SUCLG2: variants seen among roughly 807,000 people sequenced by gnomAD.
The protein encoded by SUCLG2 is succinate-CoA ligase GDP-forming subunit beta.
In SUCLG2, 42 loss-of-function variants were observed where a neutral mutation model predicts 47.9. The observed-to-expected ratio is 0.88, with a 90% CI of 0.69 to 1.14. SUCLG2 has a LOEUF of 1.14. Ranked by LOEUF, SUCLG2 falls within the 50% of genes most tolerant of loss-of-function variation. The pLI is 0.00. For missense variants in SUCLG2, 571 were observed against 525.9 expected (o/e 1.09, Z -0.84); for synonymous variants, 195 against 197.3 (o/e 0.99, Z 0.10).
intron 9 of SUCLG2, among the ~76,000 whole-genome samples, chr3:67,472,251 G>A (rs773994480): frequency 1.3e-5 from 2 of 152,102 alleles, no homozygotes; most frequent in Non-Finnish European, 2.9e-5. Context: ...AAATTCACAT[G>A]TCCATATTTT....
At chr3:67,465,106 G>A (rs1053618365) in intron 9 of SUCLG2, among the ~76,000 whole-genome samples, 2 of 152,168 alleles carry the variant, frequency 1.3e-5, no homozygotes, top group African/African-American at 2.4e-5. Context: ...AATTCAAATG[G>A]AGGCAATTTG....
At chr3:67,447,353 T>A (rs886372861) in intron 9 of SUCLG2, among the ~76,000 whole-genome samples, 5 of 152,042 alleles carry the variant, frequency 3.3e-5, no homozygotes, top group Admixed American at 3.3e-4. Flanking sequence ...GAAAATATGA[T>A]TTTATAAGTG....
At chr3:67,624,254 T>C (rs1700784543) in intron 1 of SUCLG2, among the ~76,000 whole-genome samples, 1 of 152,132 alleles carries the variant, frequency 6.6e-6, no homozygotes, top group East Asian at 1.9e-4. Flanking sequence ...GCCAAAGAAA[T>C]GACTTGTAGA....
At chr3:67,622,215 C>A (rs1700748135) in intron 1 of SUCLG2, among the ~76,000 whole-genome samples, 1 of 152,086 alleles carries the variant, frequency 6.6e-6, no homozygotes, top group South Asian at 2.1e-4. Flanking sequence ...TATGTCAATG[C>A]AAATATATTT....
At chr3:67,557,407 A>C (rs374068523) in intron 2 of SUCLG2, among the ~76,000 whole-genome samples, 1 of 152,166 alleles carries the variant, frequency 6.6e-6, no homozygotes, top group African/African-American at 2.4e-5. Flanking sequence ...CCACGTCCTG[A>C]CCACCAAGGT....
intron 2 of SUCLG2, among the ~76,000 whole-genome samples, chr3:67,600,337 A>G (rs917939796): frequency 1.3e-5 from 2 of 152,206 alleles, no homozygotes; most frequent in African/African-American, 4.8e-5. Flanking sequence ...AGTTCAATCC[A>G]AAAAAAGAAG....
intron 1 of SUCLG2, among the ~76,000 whole-genome samples, chr3:67,615,410 A>G (rs1700607191): frequency 6.6e-6 from 1 of 152,116 alleles, no homozygotes; most frequent in African/African-American, 2.4e-5. Context: ...CCTGAAAGGG[A>G]AAATCGTCTA....
At chr3:67,515,301 C>G (rs1705913859) in intron 6 of SUCLG2, among the ~76,000 whole-genome samples, 1 of 152,090 alleles carries the variant, frequency 6.6e-6, no homozygotes, top group Non-Finnish European at 1.5e-5. Flanking sequence ...AGTAGGTAAG[C>G]TTCAGGCATC....
intron 9 of SUCLG2, among the ~76,000 whole-genome samples, chr3:67,429,289 C>A (rs1703396368): frequency 6.6e-6 from 1 of 152,090 alleles, no homozygotes; most frequent in African/African-American, 2.4e-5. Flanking sequence ...ATAGTGGGGG[C>A]CAATATTCAA....
intron 9 of SUCLG2, among the ~76,000 whole-genome samples, chr3:67,477,223 C>T (rs1437903636): frequency 6.6e-6 from 1 of 152,134 alleles, no homozygotes. Context: ...TTTAATTGCT[C>T]TGGAGTAAGG....
At chr3:67,476,102 A>G (rs976534191) in intron 9 of SUCLG2, among the ~76,000 whole-genome samples, 2 of 151,798 alleles carry the variant, frequency 1.3e-5, no homozygotes, top group Non-Finnish European at 2.9e-5. Context: ...TTAACCTTTA[A>G]TGTTTTATAT....
intron 9 of SUCLG2, among the ~76,000 whole-genome samples, chr3:67,450,877 C>T (rs1332220553): frequency 6.6e-6 from 1 of 152,192 alleles, no homozygotes; most frequent in African/African-American, 2.4e-5. Flanking sequence ...ACTAAACTAA[C>T]TCTGCTTGCC....
intron 9 of SUCLG2, among the ~76,000 whole-genome samples, chr3:67,450,478 G>A (rs886585077): frequency 2.0e-5 from 3 of 152,076 alleles, no homozygotes; most frequent in African/African-American, 4.8e-5. Flanking sequence ...ACTAAAGAGG[G>A]AATACACTTT....
At chr3:67,429,146 T>G (rs1703391399) in intron 9 of SUCLG2, among the ~76,000 whole-genome samples, 1 of 152,060 alleles carries the variant, frequency 6.6e-6, no homozygotes, top group Non-Finnish European at 1.5e-5. Flanking sequence ...AGACACATAA[T>G]TATCAGATTC....
At chr3:67,527,870 G>A (rs542266003) in intron 4 of SUCLG2, among the ~76,000 whole-genome samples, 1 of 152,292 alleles carries the variant, frequency 6.6e-6, no homozygotes, top group East Asian at 1.9e-4. Flanking sequence ...TGTTCTCAGA[G>A]GGAAAGCCAT....
At chr3:67,575,023 A>G (rs1457636062) in intron 2 of SUCLG2, among the ~76,000 whole-genome samples, 1 of 152,230 alleles carries the variant, frequency 6.6e-6, no homozygotes, top group South Asian at 2.1e-4. Flanking sequence ...TACCTACTAC[A>G]GTAGTTAAAA....
intron 8 of SUCLG2, among the ~76,000 whole-genome samples, chr3:67,496,959 G>A (rs1705359891): frequency 6.6e-6 from 1 of 152,182 alleles, no homozygotes; most frequent in Non-Finnish European, 1.5e-5. Flanking sequence ...AATTTGAAAT[G>A]TGTAAATCAT....
intron 9 of SUCLG2, among the ~76,000 whole-genome samples, chr3:67,420,703 C>T (rs954695888): frequency 6.6e-6 from 1 of 151,844 alleles, no homozygotes; most frequent in African/African-American, 2.4e-5. Context: ...AAAAAACAAT[C>T]CTCCATTAGG....
intron 10 of SUCLG2, among the ~76,000 whole-genome samples, chr3:67,391,287 C>T (rs1170082494): frequency 6.6e-6 from 1 of 152,070 alleles, no homozygotes; most frequent in Non-Finnish European, 1.5e-5. Flanking sequence ...CTTTCTTATC[C>T]TTGATTCTGA....
Sources: gnomAD v4.1 joint callset for allele counts (sites outside exome capture counted in the v4.1 genomes callset) on GRCh38, gnomAD v4.1.1 for gene constraint, MANE v1.5 for transcripts, NCBI Gene and HGNC (gene_info 2026-07-23, HGNC 2026-07-21) for gene names.